Variants in SEM1 observed in about 807,000 individuals in gnomAD.
SEM1 encodes the protein 26S proteasome complex subunit SEM1.
A neutral mutation model predicts 12.7 loss-of-function variants in SEM1; 3 were observed. That is an observed-to-expected ratio of 0.24 (90% CI 0.11 to 0.61). SEM1 has a LOEUF of 0.61. SEM1 is among the 20% of genes least tolerant of loss of function. The pLI, the probability that SEM1 is intolerant of heterozygous loss-of-function variation, is 0.88. For synonymous variants in SEM1, 30 were observed against 27.8 expected (o/e 1.08, Z -0.25); for missense variants, 59 against 81.3 (o/e 0.73, Z 1.06).
intron 2 of SEM1, among the ~76,000 whole-genome samples, chr7:96,691,869 C>T (rs1018227577): frequency 1.3e-5 from 2 of 152,196 alleles, no homozygotes; most frequent in Non-Finnish European, 1.5e-5. Context: ...TCCATCACTA[C>T]AGCAAGTTCT....
intron 2 of SEM1, among the ~76,000 whole-genome samples, chr7:96,560,299 G>C (rs1340537108): frequency 6.6e-6 from 1 of 152,138 alleles, no homozygotes; most frequent in Non-Finnish European, 1.5e-5. Flanking sequence ...AAGTCACCCA[G>C]AGTATATTAG....
At chr7:96,632,025 A>G (rs1808277290) in intron 2 of SEM1, among the ~76,000 whole-genome samples, 1 of 152,218 alleles carries the variant, frequency 6.6e-6, no homozygotes, top group African/African-American at 2.4e-5. Flanking sequence ...TGCCAGTTAG[A>G]ATGGTGATCA....
chr7:96,668,402 A>G (rs1789225110), intron 2 of SEM1, among the ~76,000 whole-genome samples: 1 of 152,212 alleles, frequency 6.6e-6, no homozygotes, highest in Non-Finnish European at 1.5e-5. Context: ...CATCACAATT[A>G]TTCTTCTCTG....
intron 2 of SEM1, among the ~76,000 whole-genome samples, chr7:96,648,630 G>A (rs1302543036): frequency 4.6e-5 from 7 of 152,298 alleles, no homozygotes; most frequent in African/African-American, 1.7e-4. Flanking sequence ...CTGTAGTCAA[G>A]AGACACCGAA....
At chr7:96,489,841 C>G (rs924288100) in intron 1 of SEM1, among the ~76,000 whole-genome samples, 31 of 152,318 alleles carry the variant, frequency 2.0e-4, no homozygotes, top group African/African-American at 7.2e-4. Flanking sequence ...TCTGTGCGCC[C>G]TCTCCTCTTT....
intron 2 of SEM1, among the ~76,000 whole-genome samples, chr7:96,589,302 T>C (rs1584789995): frequency 1.3e-5 from 2 of 152,262 alleles, no homozygotes; most frequent in Non-Finnish European, 1.5e-5. Context: ...CTCAACCCAC[T>C]GGGAGTGGAA....
chr7:96,524,242 C>T (rs937865879), intron 2 of SEM1, among the ~76,000 whole-genome samples: 2 of 152,144 alleles, frequency 1.3e-5, no homozygotes, highest in Admixed American at 1.3e-4. Flanking sequence ...CCTCCGAATT[C>T]TCAACATCAC....
At chr7:96,494,091 G>A (rs1417017460) in intron 1 of SEM1, among the ~76,000 whole-genome samples, 2 of 152,108 alleles carry the variant, frequency 1.3e-5, no homozygotes, top group African/African-American at 4.8e-5. Flanking sequence ...GAGCCCTTAG[G>A]AAGAAACTGC....
intron 2 of SEM1, among the ~76,000 whole-genome samples, chr7:96,541,248 A>G (rs563365058): frequency 1.7e-4 from 26 of 151,946 alleles, no homozygotes; most frequent in Admixed American, 4.6e-4. Context: ...CCTCGCCAGC[A>G]TCTGCTGTTC....
intron 2 of SEM1, among the ~76,000 whole-genome samples, chr7:96,538,754 C>T (rs1804863444): frequency 2.0e-5 from 3 of 151,736 alleles, no homozygotes; most frequent in Admixed American, 2.0e-4. Flanking sequence ...GCTCTCACTT[C>T]CCCCTTTTGG....
chr7:96,614,740 A>T (rs886147076), intron 2 of SEM1, among the ~76,000 whole-genome samples: 8 of 152,312 alleles, frequency 5.3e-5, no homozygotes, highest in African/African-American at 1.9e-4. Flanking sequence ...CCTAGTGCAT[A>T]TGCTTCAACC....
At chr7:96,496,213 G>A (rs1803247687) in intron 1 of SEM1, 1 of 921,132 alleles carries the variant, frequency 1.1e-6, no homozygotes, top group Admixed American at 2.3e-5. Flanking sequence ...TACACTCAAG[G>A]TATACTAACT....
At chr7:96,578,657 G>T (rs1045538898) in intron 2 of SEM1, among the ~76,000 whole-genome samples, 2 of 152,188 alleles carry the variant, frequency 1.3e-5, no homozygotes, top group African/African-American at 4.8e-5. Flanking sequence ...AAAGATATGG[G>T]AAAATCTGTA....
At chr7:96,703,012 C>G (rs576164893) in intron 1 of SEM1, among the ~76,000 whole-genome samples, 1 of 152,250 alleles carries the variant, frequency 6.6e-6, no homozygotes, top group Admixed American at 6.5e-5. Flanking sequence ...TAATGTAATC[C>G]AGGACTCTAT....
intron 2 of SEM1, among the ~76,000 whole-genome samples, chr7:96,532,159 T>G (rs917824721): frequency 2.6e-5 from 4 of 152,154 alleles, no homozygotes; most frequent in Non-Finnish European, 5.9e-5. Context: ...GGCTTTCATT[T>G]TCCTAAATTC....
chr7:96,599,103 G>T (rs555025854), intron 2 of SEM1, among the ~76,000 whole-genome samples: 1 of 152,138 alleles, frequency 6.6e-6, no homozygotes, highest in African/African-American at 2.4e-5. Flanking sequence ...AAAGGAAGAG[G>T]CTCTCTTAGA....
chr7:96,583,074 A>G (rs1487574038), intron 2 of SEM1, among the ~76,000 whole-genome samples: 4 of 151,738 alleles, frequency 2.6e-5, no homozygotes, highest in East Asian at 1.9e-4. Flanking sequence ...TAGGGTGTCA[A>G]TTTGGATCTT....
chr7:96,668,314 G>C (rs930012406), intron 2 of SEM1, among the ~76,000 whole-genome samples: 30 of 152,116 alleles, frequency 2.0e-4, no homozygotes, highest in African/African-American at 6.0e-4. Context: ...TATTACTGTT[G>C]CCACATAATG....
At chr7:96,624,831 A>G (rs1030483416) in intron 2 of SEM1, among the ~76,000 whole-genome samples, 2 of 152,116 alleles carry the variant, frequency 1.3e-5, no homozygotes, top group Non-Finnish European at 2.9e-5. Flanking sequence ...CTGGGGCTGC[A>G]ATGGGGTGAT....
Sources: gnomAD v4.1 joint callset for allele counts (sites outside exome capture counted in the v4.1 genomes callset) on GRCh38, gnomAD v4.1.1 for gene constraint, MANE v1.5 for transcripts, NCBI Gene and HGNC (gene_info 2026-07-23, HGNC 2026-07-21) for gene names.